The following OSBPL7 variants were observed in gnomAD, a reference collection of about 807,000 sequenced individuals.
OSBPL7 encodes oxysterol binding protein like 7.
A neutral mutation model predicts 115.8 loss-of-function variants in OSBPL7; 66 were observed. That is an observed-to-expected ratio of 0.57 (90% confidence interval 0.47 to 0.70). The LOEUF is 0.70. Ranked by LOEUF, OSBPL7 falls within the 30% of genes least tolerant of loss-of-function variation. The pLI is 0.00. For synonymous variants in OSBPL7, 441 were observed against 439.2 expected (o/e 1.00, Z -0.05); for missense variants, 902 against 1,125.5 (o/e 0.80, Z 2.84).
Position 47,818,972 on chromosome 17 carries a change from C to A in OSBPL7, c.369+14G>T. 6.2e-7 allele frequency: 1 copy of A among 1,610,858 alleles called. No individual in the cohort carries two copies. ...TTGGGGGCCAACACACGTCCTGCCT[C>A]CCAGGGATGTCACCTTGAGGTGGTA... On this transcript the variant is annotated intron_variant, in intron 5 of 22. Transcript: ENST00000007414.
chr17:47,816,491 A>T lies in OSBPL7; in HGVS notation c.929-9T>A, dbSNP rs1315832529. The T allele has an allele frequency of 6.5e-7, 1 of 1,550,170 alleles. No homozygotes were observed. Among genetic ancestry groups the T allele is most frequent in the African/African-American group, 1.4e-5 (1 of 73,494 alleles). The stretch of plus-strand genomic sequence containing the variant: ...GCTGAGGGAGCTGTGCACTACAGGG[A>T]GTGGGGCAGACCATCAGAGTCCTCG... On this transcript the variant is annotated splice_polypyrimidine_tract_variant and intron_variant, in intron 10 of 22. Coordinates refer to ENST00000007414, the MANE Select transcript of OSBPL7 (RefSeq NM_145798.3). The surrounding 1 kb of genome is among the most constrained non-coding windows in gnomAD (Gnocchi z 5.8).
intron 4 of OSBPL7, 170 bp downstream of exon 4, chr17:47,819,559 A>C (rs2045383698): frequency 1.3e-6 from 1 of 746,294 alleles, no homozygotes; most frequent in Non-Finnish European, 2.3e-6. Context: ...CTCCCATTAG[A>C]GGTGAGGAAG....
rs1187798681 is a variant in OSBPL7, at chr17:47,816,751, A to G, written c.795+29T>C. On this transcript the variant is annotated intron_variant, in intron 9 of 22. Transcript: ENST00000007414. The surrounding 1 kb of genome is among the most constrained non-coding windows in gnomAD (Gnocchi z 5.8). ...CGGCCTCCTTAGAGCATCCTGCCCC[A>G]GCTACGTGAGGTGCATGCCCGACCT... is the stretch of plus-strand genomic sequence containing the variant. 1.2e-6 allele frequency: 2 copies of G among 1,614,004 alleles called. No homozygotes were observed. Among genetic ancestry groups the G allele is most frequent in the Non-Finnish European group, 1.7e-6 (2 of 1,180,006 alleles).
chr17:47,810,970 T>G, intron 16 of OSBPL7, 135 bp from the exon 17 acceptor site: 1 of 777,870 alleles, frequency 1.3e-6, no homozygotes, highest in Non-Finnish European at 2.1e-6. Flanking sequence ...CCTATCACCC[T>G]TGGCCACCTC....
intron 7 of OSBPL7, among the ~76,000 whole-genome samples, chr17:47,817,899 C>G (rs2033274470): frequency 6.6e-6 from 1 of 152,198 alleles, no homozygotes. Context: ...CCCTCTCTCT[C>G]TCTCTACTTG....
Position 47,816,321 on chromosome 17 carries a change from C to T in OSBPL7, c.1023+67G>A, listed in dbSNP as rs2033214103. The stretch of plus-strand genomic sequence containing the variant: ...CCCTGACCCAGATCTGCTATCGGAC[C>T]CCAGGCTGGCAGTCCTCAGCTTGAA... On this transcript the variant is annotated intron_variant, in intron 11 of 22. Coordinates refer to ENST00000007414, the MANE Select transcript of OSBPL7 (RefSeq NM_145798.3). This position sits in a 1 kb window ranked among gnomAD's most constrained non-coding sequence, Gnocchi z 5.8. The T allele has an allele frequency of 6.7e-6, 10 of 1,484,798 alleles. No individual in the cohort carries two copies. In the South Asian group the frequency reaches 1.2e-4, roughly 18 times the overall value. 92.0% of individuals were successfully genotyped at this position (1,484,798 alleles called of 1,614,324 possible).
rs563164157 is a variant in OSBPL7 at position 47,816,350 on chromosome 17, C to G, written c.1023+38G>C. On this transcript the variant is annotated intron_variant, in intron 11 of 22. Transcript: ENST00000007414. This position sits in a 1 kb window ranked among gnomAD's most constrained non-coding sequence, Gnocchi z 5.8. The stretch of plus-strand genomic sequence containing the variant: ...GGCTGGCAGTCCTCAGCTTGAAGCC[C>G]TCTCCCCGCACCAGTCACCCTGTCC... 4.2e-4 allele frequency: 632 copies of G among 1,488,778 alleles called. 4 individuals are homozygous for G. In the South Asian group the frequency reaches 6.3e-3, roughly 15 times the overall value. The allele number at this position is 1,488,778 out of a possible 1,614,324, so 92.2% of individuals were successfully genotyped here.
intron 12 of OSBPL7, chr17:47,815,736 G>C (rs1487250697): frequency 6.4e-6 from 2 of 313,254 alleles, no homozygotes; most frequent in Non-Finnish European, 1.2e-5. Flanking sequence ...CGGCAGGCAG[G>C]AGAGCCAGAT....
chr17:47,818,160 T>C (rs1368963618), intron 7 of OSBPL7, 109 bp downstream of exon 7: 2 of 928,092 alleles, frequency 2.2e-6, no homozygotes, highest in African/African-American at 1.7e-5. Context: ...GCAGAGGCTG[T>C]CTCATTAAAC....
intron 6 of OSBPL7, 55 bp from the exon 7 acceptor site, chr17:47,818,441 A>G (rs2033293937): frequency 1.9e-6 from 3 of 1,593,820 alleles, no homozygotes; most frequent in Admixed American, 1.7e-5. Flanking sequence ...TGGGTCTCAC[A>G]GTTCTCCATA....
At chr17:47,814,104 G>T (rs560053675) in intron 14 of OSBPL7, among the ~76,000 whole-genome samples, 3 of 152,184 alleles carry the variant, frequency 2.0e-5, no homozygotes, top group Non-Finnish European at 4.4e-5. Context: ...AGCCCCTCCC[G>T]AGTCCTCACC....
rs1182061905 is a variant in OSBPL7, at chr17:47,808,653, C to T, written c.2305G>A (p.Glu769Lys). The T allele has an allele frequency of 6.2e-7, 1 of 1,614,182 alleles. No homozygotes were observed. Among genetic ancestry groups the T allele is most frequent in the Non-Finnish European group, 8.5e-7 (1 of 1,180,016 alleles). ...TRLRPDQRYL[E>K]EGNIQAAEAQ... is the part of the protein sequence containing the mutation. ...TCAGCGGCCTGTATGTTCCCCTCCT[C>T]CAGGTACCTGAGGATCCAGATCAAA... The change falls in exon 22 of 23, where the codon GAG becomes AAG. Residue 769 changes from glutamate to lysine, a missense_variant. Glu to Lys is a moderately conservative substitution (Grantham distance 56). This residue lies in a region of OSBPL7 where 230 missense variants were observed against 312.7 expected (regional missense o/e 0.74). Transcript: ENST00000007414. This position sits in a 1 kb window ranked among gnomAD's most constrained non-coding sequence, Gnocchi z 6.1.
chr17:47,815,457 G>A (rs1284557240), intron 12 of OSBPL7, 105 bp from the exon 13 acceptor site: 3 of 1,472,290 alleles, frequency 2.0e-6, no homozygotes, highest in Admixed American at 2.1e-5. Context: ...GCATAACCGG[G>A]CACTTTTGCT....
At chr17:47,811,581 T>C (rs2143527819) in intron 16 of OSBPL7, among the ~76,000 whole-genome samples, 1 of 152,312 alleles carries the variant, frequency 6.6e-6, no homozygotes, top group African/African-American at 2.4e-5. Context: ...TACAATGTCC[T>C]GTATCTGGGG....
chr17:47,809,297 C>A (rs373566503), intron 19 of OSBPL7, 37 bp downstream of exon 19: 1 of 1,610,870 alleles, frequency 6.2e-7, no homozygotes, highest in Non-Finnish European at 8.5e-7. Flanking sequence ...CAGAGGCTGC[C>A]GGGGATGGAT....
At chr17:47,819,358 G>C in intron 4 of OSBPL7, 1 of 565,600 alleles carries the variant, frequency 1.8e-6, no homozygotes, top group Non-Finnish European at 3.2e-6. Flanking sequence ...CTGCAGGGTT[G>C]TGGAAGGCAA....
chr17:47,812,448 C>T (rs2033074220), intron 16 of OSBPL7, among the ~76,000 whole-genome samples: 3 of 152,218 alleles, frequency 2.0e-5, no homozygotes, highest in African/African-American at 7.2e-5. Context: ...GACTCCAGAG[C>T]CTCCTGGCCA....
In OSBPL7 at chr17:47,816,657, G is replaced by T. The variant is rs1485738632; in HGVS notation, c.834C>A (p.Arg278=). 1 of 1,613,994 alleles carries T rather than the reference G, an allele frequency of 6.2e-7. No individual in the cohort carries two copies. The highest frequency in any genetic ancestry group is 1.3e-5 in the African/African-American group (1 of 74,920). Residue 278 remains arginine (R), a synonymous_variant, in exon 10 of 23, where the codon CGC becomes CGA. Coordinates refer to ENST00000007414, the MANE Select transcript of OSBPL7 (RefSeq NM_145798.3). This position sits in a 1 kb window ranked among gnomAD's most constrained non-coding sequence, Gnocchi z 5.8. The stretch of plus-strand genomic sequence containing the variant: ...CCGAGGAGTCCCGAGACTCCAGGTA[G>T]CGAGACAGGTTGGGAACAGAGCCAT... The part of the protein sequence containing the change: ...RLHGSVPNLS[R]YLESRDSSGT...
chr17:47,817,068 G>T, intron 8 of OSBPL7, 188 bp downstream of exon 8: 1 of 714,934 alleles, frequency 1.4e-6, no homozygotes. Context: ...CACCCTGGCA[G>T]AGGCATGGGC....
Sources: gnomAD v4.1 joint callset for allele counts (sites outside exome capture counted in the v4.1 genomes callset) on GRCh38, gnomAD v4.1.1 for gene constraint, gnomAD v4.1.1 regional missense constraint, Gnocchi (gnomAD v3.1) non-coding constraint, MANE v1.5 for transcripts, NCBI Gene and HGNC (gene_info 2026-07-23, HGNC 2026-07-21) for gene names.